The following HTT variants were observed in gnomAD, a reference collection of about 807,000 sequenced individuals.
The protein encoded by HTT is huntington disease protein.
HTT carries 104 observed loss-of-function variants against 362.3 expected under a neutral mutation model. The ratio of observed to expected loss-of-function variants is 0.29; its 90% CI spans 0.24 to 0.34. The LOEUF (loss-of-function observed/expected upper bound fraction) is 0.34, where lower values mean the gene tolerates loss of function less well. Among genes scored for constraint, HTT ranks in the 10% least tolerant of loss-of-function variants. The probability of loss-of-function intolerance (pLI) is 1.00; values close to 1 mark genes in which losing one functional copy is unlikely to be tolerated. For missense variants in HTT, 3,301 were observed against 3,928.6 expected (o/e 0.84, Z 4.27); for synonymous variants, 1,577 against 1,548.7 (o/e 1.02, Z -0.43).
At chr4:3,215,817 T>G (rs1314972898) in intron 51 of HTT, among the ~76,000 whole-genome samples, 2 of 152,216 alleles carry the variant, frequency 1.3e-5, no homozygotes, top group Non-Finnish European at 2.9e-5. Context: ...GTAGGTATTT[T>G]ACTAGGAAAA....
intron 53 of HTT, among the ~76,000 whole-genome samples, chr4:3,220,855 C>T (rs755005009): frequency 2.0e-5 from 3 of 152,084 alleles, no homozygotes; most frequent in East Asian, 1.9e-4. Flanking sequence ...AGGGCAAGTC[C>T]GTCTAACCTC....
In HTT at chr4:3,112,105, G is replaced by A. The variant is rs527376328; in HGVS notation, c.748-3199G>A. On this transcript the variant is annotated intron_variant, in intron 6 of 66. Coordinates refer to ENST00000355072, the MANE Select transcript of HTT (RefSeq NM_001388492.1). ...TCCCTGTTCTGTTCTTTCTGTTCGT[G>A]TAAATATATGCTTTATACAACTTCT... Among the ~76,000 whole-genome samples the A allele has an allele frequency of 2.6e-5, 4 of 152,286 alleles. No homozygotes were observed. The East Asian group carries it at 5.8e-4, about 22-fold the overall frequency.
chr4:3,150,151 G>T (rs1716806030), intron 26 of HTT, among the ~76,000 whole-genome samples: 1 of 152,130 alleles, frequency 6.6e-6, no homozygotes, highest in Non-Finnish European at 1.5e-5. Context: ...TAGTCTCTGG[G>T]CCAGTGCTGT....
intron 47 of HTT, 129 bp downstream of exon 47, chr4:3,210,078 G>C (rs1720079415): frequency 2.6e-6 from 3 of 1,166,270 alleles, no homozygotes. Context: ...GGCAGGGACG[G>C]GATGTCGGAG....
At chr4:3,107,516 G>C in intron 6 of HTT, 93 bp downstream of exon 6, 1 of 1,277,510 alleles carries the variant, frequency 7.8e-7, no homozygotes, top group Non-Finnish European at 1.1e-6. Context: ...TCCTGTGGGA[G>C]TGCTTCTTGG....
chr4:3,087,541 C>T (rs1331558793), intron 2 of HTT, among the ~76,000 whole-genome samples: 1 of 152,202 alleles, frequency 6.6e-6, no homozygotes, highest in Middle Eastern at 3.2e-3. Context: ...GATGAACTAG[C>T]AGCACCTTCT....
chr4:3,216,338 A>G (rs1257158045), intron 51 of HTT, among the ~76,000 whole-genome samples: 1 of 152,174 alleles, frequency 6.6e-6, no homozygotes, highest in Non-Finnish European at 1.5e-5. Context: ...CTACCTAAGG[A>G]ATATGAAAAC....
intron 29 of HTT, 50 bp downstream of exon 29, chr4:3,160,442 G>A (rs1717383005): frequency 8.1e-7 from 1 of 1,238,084 alleles, no homozygotes; most frequent in Non-Finnish European, 1.2e-6. Context: ...CACTTGATGT[G>A]CGTCTTCTGG....
chr4:3,118,512 C>T (rs901184344), intron 8 of HTT, among the ~76,000 whole-genome samples: 2 of 152,154 alleles, frequency 1.3e-5, no homozygotes, highest in African/African-American at 4.8e-5. Context: ...GTGGTCTTTG[C>T]TAAGTCCCAG....
chr4:3,145,830 T>C (rs555489161), intron 24 of HTT, among the ~76,000 whole-genome samples: 76 of 152,318 alleles, frequency 5.0e-4, no homozygotes, highest in Non-Finnish European at 9.7e-4. Flanking sequence ...GACCAACTGA[T>C]ATTTGCTTGA....
At chr4:3,177,719 A>G (rs535426921) in intron 34 of HTT, among the ~76,000 whole-genome samples, 21 of 152,320 alleles carry the variant, frequency 1.4e-4, no homozygotes, top group African/African-American at 4.8e-4. Flanking sequence ...AGTTTTATAT[A>G]ATGTTGTCTT....
chr4:3,208,567 A>G (rs1010124395), intron 45 of HTT, among the ~76,000 whole-genome samples: 3 of 152,212 alleles, frequency 2.0e-5, no homozygotes, highest in Non-Finnish European at 2.9e-5. Flanking sequence ...TAGGGCCTGC[A>G]TTTGTATCAT....
Position 3,228,801 on chromosome 4 carries a change from T to G in HTT, c.7979+56T>G, listed in dbSNP as rs769459631. On this transcript the variant is annotated intron_variant, in intron 58 of 66. Coordinates refer to ENST00000355072, the MANE Select transcript of HTT (RefSeq NM_001388492.1). The surrounding 1 kb of genome is among the most constrained non-coding windows in gnomAD (Gnocchi z 4.3). ...AAATTTGAAATTTCTTATCAGTCAT[T>G]TGATTTGTTTGAGGTGCTTCTTGAA... 1 of 1,571,732 alleles carries G rather than the reference T, an allele frequency of 6.4e-7. No homozygotes were observed. The highest frequency in any genetic ancestry group is 8.7e-7 in the Non-Finnish European group (1 of 1,154,138).
In HTT at chr4:3,121,114, A is replaced by C. The variant is rs2110177471; in HGVS notation, c.1069-114A>C. ...AAGTGATAGGGAAATATTTAGGGGG[A>C]GAAGTTAAGGTATAAACTTTGTCAA... On this transcript the variant is annotated intron_variant, in intron 8 of 66. Coordinates refer to ENST00000355072, the MANE Select transcript of HTT (RefSeq NM_001388492.1). 1.5e-5 allele frequency: 10 copies of C among 649,568 alleles called. 1 individual carries two copies. The highest frequency in any genetic ancestry group is 1.3e-4 in the South Asian group (7 of 52,282). 40.2% of individuals were successfully genotyped at this position (649,568 alleles called of 1,614,324 possible).
intron 40 of HTT, among the ~76,000 whole-genome samples, 187 bp from the exon 41 acceptor site, chr4:3,199,545 A>G (rs1225801158): frequency 6.6e-6 from 1 of 152,090 alleles, no homozygotes; most frequent in Non-Finnish European, 1.5e-5. Context: ...TATCTCAAAA[A>G]AAAAAAAAAA....
chr4:3,216,152 C>A (rs1720387131), intron 51 of HTT, among the ~76,000 whole-genome samples: 1 of 152,186 alleles, frequency 6.6e-6, no homozygotes, highest in African/African-American at 2.4e-5. Flanking sequence ...GTTTTCCTGT[C>A]TTTAGTCTTC....
At chr4:3,237,901 A>T (rs1721614831) in intron 64 of HTT, among the ~76,000 whole-genome samples, 1 of 152,222 alleles carries the variant, frequency 6.6e-6, no homozygotes, top group Non-Finnish European at 1.5e-5. Flanking sequence ...ACAAGAAAAA[A>T]GTCCTGGTTG....
intron 6 of HTT, among the ~76,000 whole-genome samples, chr4:3,109,466 C>T (rs975481451): frequency 2.6e-5 from 4 of 152,114 alleles, no homozygotes; most frequent in Non-Finnish European, 5.9e-5. Context: ...CTCAGGTGAT[C>T]CTCCCACCTC....
At chr4:3,160,923 GTTTA>G (rs1447409825) in intron 29 of HTT, among the ~76,000 whole-genome samples, 3 of 151,830 alleles carry the variant, frequency 2.0e-5, no homozygotes, top group Non-Finnish European at 4.4e-5. Flanking sequence ...ATTTATATTT[GTTTA>G]TTTATTTATT....
Sources: gnomAD v4.1 joint callset for allele counts (sites outside exome capture counted in the v4.1 genomes callset) on GRCh38, gnomAD v4.1.1 for gene constraint, Gnocchi (gnomAD v3.1) non-coding constraint, MANE v1.5 for transcripts, NCBI Gene and HGNC (gene_info 2026-07-23, HGNC 2026-07-21) for gene names.